XPO4: variants seen among roughly 807,000 people sequenced by gnomAD.
XPO4 encodes exportin 4, also known as exportin-4.
XPO4 carries 39 observed loss-of-function variants against 143.0 expected under a neutral mutation model. That is an observed-to-expected ratio of 0.27 (90% confidence interval 0.21 to 0.36). The LOEUF (loss-of-function observed/expected upper bound fraction) is 0.36. XPO4 is among the 10% of genes least tolerant of loss of function. XPO4 has a pLI of 1.00. For synonymous variants in XPO4, 439 were observed against 474.0 expected (o/e 0.93, Z 0.96); for missense variants, 907 against 1,348.0 (o/e 0.67, Z 5.12).
intron 4 of XPO4, chr13:20,848,536 A>T (rs1054871570): frequency 2.0e-6 from 2 of 985,268 alleles, no homozygotes; most frequent in Non-Finnish European, 2.4e-6. Context: ...ATTTTTTATC[A>T]TTATCATAGA....
At chr13:20,825,607 T>C (rs186909916) in intron 7 of XPO4, among the ~76,000 whole-genome samples, 2 of 152,274 alleles carry the variant, frequency 1.3e-5, no homozygotes, top group East Asian at 1.9e-4. Flanking sequence ...TCTGGTAGAG[T>C]TGTTTCCAGT....
intron 6 of XPO4, among the ~76,000 whole-genome samples, chr13:20,837,287 C>T (rs544763209): frequency 2.4e-4 from 37 of 152,212 alleles, no homozygotes; most frequent in African/African-American, 8.4e-4. Flanking sequence ...TAGCATTTCC[C>T]GAGTTGTGAC....
chr13:20,894,734 C>T (rs1028919826), intron 1 of XPO4, among the ~76,000 whole-genome samples: 1 of 151,650 alleles, frequency 6.6e-6, no homozygotes, highest in African/African-American at 2.4e-5. Flanking sequence ...ATCCCAGCTA[C>T]TGGGGAGGCT....
rs977502391 is a variant in XPO4, at chr13:20,781,316, A to C, written c.*2406T>G. The C allele has an allele frequency of 1.3e-5, 2 of 152,632 alleles. No homozygotes were observed. Among genetic ancestry groups the C allele is most frequent in the African/African-American group, 4.8e-5 (2 of 41,442 alleles). The allele number at this position is 152,632 out of a possible 1,614,324, so 9.5% of individuals were successfully genotyped here. ...AAACAAAAGAAAACACAAAGTGAATAAGCATCCAATCAGGCAAACATGGAC... is the reference window on the plus strand; with the variant it reads ...AAACAAAAGAAAACACAAAGTGAATCAGCATCCAATCAGGCAAACATGGAC... On this transcript the variant is annotated 3_prime_UTR_variant, in exon 23 of 23. Coordinates refer to ENST00000255305, the MANE Select transcript of XPO4 (RefSeq NM_022459.5).
intron 3 of XPO4, among the ~76,000 whole-genome samples, chr13:20,861,227 A>G (rs929341048): frequency 1.1e-4 from 16 of 152,096 alleles, no homozygotes; most frequent in African/African-American, 3.4e-4. Context: ...AAAAGAATAC[A>G]TGGTCTTTGG....
At chr13:20,813,242 A>G (rs982197300) in intron 9 of XPO4, among the ~76,000 whole-genome samples, 2 of 152,188 alleles carry the variant, frequency 1.3e-5, no homozygotes, top group Non-Finnish European at 2.9e-5. Context: ...ACAATTCGAC[A>G]TGTGATTTGG....
chr13:20,800,756 C>G, intron 14 of XPO4, 75 bp downstream of exon 14: 1 of 1,547,052 alleles, frequency 6.5e-7, no homozygotes, highest in Non-Finnish European at 8.7e-7. Flanking sequence ...TGAAAAACCA[C>G]CAAGAAAAAT....
In XPO4 at chr13:20,796,224, A is replaced by C; in HGVS notation, c.2649T>G (p.Leu883=). 6.2e-7 allele frequency: 1 copy of C among 1,612,536 alleles called. No individual in the cohort carries two copies. The highest frequency in any genetic ancestry group is 8.5e-7 in the Non-Finnish European group (1 of 1,179,590). The stretch of plus-strand genomic sequence containing the variant: ...TCTTAGAATACACTTGCAACAAAGT[A>C]AGGCAGGCTTCATATAAGTTCATAG... ...SKAMNLYEAC[L]TLLQVYSKNN... The change falls in exon 18 of 23, where the codon CTT becomes CTG. Residue 883 remains leucine (L), a synonymous_variant. Transcript: ENST00000255305.
intron 2 of XPO4, among the ~76,000 whole-genome samples, chr13:20,867,141 G>C (rs144403966): frequency 1.5e-3 from 226 of 152,198 alleles, no homozygotes; most frequent in Middle Eastern, 3.4e-3. Context: ...TCCTCCACAG[G>C]TATATGTTAA....
At chr13:20,876,468 GAAC>G (rs2060354807) in intron 1 of XPO4, among the ~76,000 whole-genome samples, 1 of 151,968 alleles carries the variant, frequency 6.6e-6, no homozygotes, top group South Asian at 2.1e-4. Context: ...AATAGTGCTG[GAAC>G]AACTGGCAAT....
chr13:20,810,664 T>C (rs904124182), intron 9 of XPO4, among the ~76,000 whole-genome samples: 8 of 152,100 alleles, frequency 5.3e-5, no homozygotes, highest in African/African-American at 1.4e-4. Context: ...AAGAGACAAG[T>C]AGATAAGATT....
chr13:20,849,519 T>G (rs920060566), intron 4 of XPO4: 1 of 985,324 alleles, frequency 1.0e-6, no homozygotes, highest in Non-Finnish European at 1.2e-6. Flanking sequence ...AAGGCAAGTT[T>G]CCATATCCCT....
At chr13:20,833,148 A>G (rs2059873487) in intron 6 of XPO4, among the ~76,000 whole-genome samples, 1 of 152,176 alleles carries the variant, frequency 6.6e-6, no homozygotes. Context: ...ATAGTGAACA[A>G]ACATCCGAAA....
At chr13:20,821,095 G>A (rs186346902) in intron 9 of XPO4, among the ~76,000 whole-genome samples, 16 of 152,126 alleles carry the variant, frequency 1.1e-4, no homozygotes, top group Admixed American at 9.8e-4. Context: ...ATAAAATATG[G>A]AAAATACACA....
chr13:20,799,452 TAAAGC>T, intron 15 of XPO4, 113 bp from the exon 16 acceptor site: 5 of 906,352 alleles, frequency 5.5e-6, no homozygotes, highest in Non-Finnish European at 7.9e-6. Context: ...TAATTACTGT[TAAAGC>T]AAAGTACAGT....
rs56312143 is a variant in XPO4, at chr13:20,853,336, C to CAAAAA, written c.456+2286_456+2290dup. Among the ~76,000 whole-genome samples the CAAAAA allele has an allele frequency of 8.4e-4, 86 of 101,926 alleles. 5 individuals are homozygous for CAAAAA. The highest frequency in any genetic ancestry group is 2.4e-3 in the African/African-American group (62 of 25,764). 66.9% of individuals were successfully genotyped at this position (101,926 alleles called of 152,430 possible). On this transcript the variant is annotated intron_variant, in intron 4 of 22. Transcript: ENST00000255305. ...CAACAGAGCAAGTGAGACCCTGTCT[C>CAAAAA]AAAAAAAAAAAAAAAATAGCTTCCT...
intron 3 of XPO4, among the ~76,000 whole-genome samples, chr13:20,857,143 A>C (rs1195425358): frequency 6.6e-6 from 1 of 152,232 alleles, no homozygotes; most frequent in African/African-American, 2.4e-5. Context: ...ACTATGCATA[A>C]GAATATTAGT....
intron 1 of XPO4, among the ~76,000 whole-genome samples, chr13:20,876,906 C>T (rs147446431): frequency 1.2e-3 from 186 of 152,280 alleles, no homozygotes; most frequent in African/African-American, 3.8e-3. Context: ...AGCAGGTTGC[C>T]GCTGCTGGCT....
intron 4 of XPO4, chr13:20,852,579 T>A (rs1256488345): frequency 1.0e-6 from 1 of 976,956 alleles, no homozygotes; most frequent in Admixed American, 6.2e-5. Flanking sequence ...TTATAATATT[T>A]GGTAATATTA....
Sources: allele counts gnomAD v4.1 joint callset (sites outside exome capture counted in the v4.1 genomes callset), GRCh38; gene constraint gnomAD v4.1.1; transcripts MANE v1.5; gene names NCBI Gene and HGNC (gene_info 2026-07-23, HGNC 2026-07-21).